The following TTLL7 variants were observed in gnomAD, a reference collection of about 807,000 sequenced individuals.
TTLL7 encodes tubulin polyglutamylase TTLL7.
In TTLL7, 53 loss-of-function variants were observed where a neutral mutation model predicts 120.2. The observed-to-expected ratio is 0.44, with a 90% CI of 0.35 to 0.55. The LOEUF (loss-of-function observed/expected upper bound fraction) is 0.55, where lower values mean the gene tolerates loss of function less well. Among genes scored for constraint, TTLL7 ranks in the 20% least tolerant of loss-of-function variants. The probability of loss-of-function intolerance (pLI) is 0.00; values close to 1 mark genes in which losing one functional copy is unlikely to be tolerated. For missense variants in TTLL7, 803 were observed against 1,054.7 expected, an observed-to-expected ratio of 0.76 and a Z score of 3.31; for synonymous variants, 353 against 351.7, an observed-to-expected ratio of 1.00 and a Z score of -0.04.
intron 18 of TTLL7, among the ~76,000 whole-genome samples, chr1:83,901,188 T>C (rs1656692060): frequency 6.6e-6 from 1 of 151,978 alleles, no homozygotes; most frequent in Non-Finnish European, 1.5e-5. Context: ...CTTCTGCCTT[T>C]TAAGATATCT....
At chr1:83,910,068 TC>T (rs1362293984) in intron 15 of TTLL7, among the ~76,000 whole-genome samples, 1 of 152,040 alleles carries the variant, frequency 6.6e-6, no homozygotes, top group Non-Finnish European at 1.5e-5. Context: ...ATACATTAAT[TC>T]CCCTCCAAAG....
intron 18 of TTLL7, among the ~76,000 whole-genome samples, chr1:83,899,814 T>C (rs1656564882): frequency 6.6e-6 from 1 of 151,888 alleles, no homozygotes; most frequent in Non-Finnish European, 1.5e-5. Flanking sequence ...CTCACATTAG[T>C]GCTTCCACTC....
intron 1 of TTLL7, among the ~76,000 whole-genome samples, chr1:83,998,402 G>T (rs1653678604): frequency 6.6e-6 from 1 of 152,130 alleles, no homozygotes; most frequent in African/African-American, 2.4e-5. Flanking sequence ...GGAACGCTGC[G>T]ATGTGATATA....
At chr1:83,968,680 T>C (rs1361316542) in intron 1 of TTLL7, among the ~76,000 whole-genome samples, 1 of 152,090 alleles carries the variant, frequency 6.6e-6, no homozygotes, top group Non-Finnish European at 1.5e-5. Flanking sequence ...GAGTTCCTTG[T>C]TATTATTCCT....
In TTLL7 at chr1:83,890,488, G is replaced by C. The variant is rs771950700; in HGVS notation, c.2209-7C>G. On this transcript the variant is annotated splice_polypyrimidine_tract_variant and splice_region_variant and intron_variant, in intron 18 of 20. Transcript: ENST00000260505. ...TTTTCACTATGTCCAAAACCTAGTG[G>C]AAAAACCAAAGTACTTACAATCTAG... is the stretch of plus-strand genomic sequence containing the variant. 1 of 1,604,306 alleles carries C rather than the reference G, an allele frequency of 6.2e-7. No homozygotes were observed. Among genetic ancestry groups the C allele is most frequent in the Non-Finnish European group, 8.5e-7 (1 of 1,176,074 alleles).
intron 1 of TTLL7, among the ~76,000 whole-genome samples, chr1:83,963,327 T>C (rs1650173221): frequency 6.6e-6 from 1 of 152,136 alleles, no homozygotes; most frequent in Non-Finnish European, 1.5e-5. Context: ...TTTTGTGAGC[T>C]GTGTTTGAAC....
intron 8 of TTLL7, among the ~76,000 whole-genome samples, chr1:83,936,680 A>G (rs1647424143): frequency 6.6e-6 from 1 of 152,250 alleles, no homozygotes; most frequent in Non-Finnish European, 1.5e-5. Context: ...AAATTGGTGG[A>G]TATCTGACCA....
At chr1:83,977,474 T>C (rs952359278) in intron 1 of TTLL7, among the ~76,000 whole-genome samples, 4 of 152,110 alleles carry the variant, frequency 2.6e-5, no homozygotes, top group African/African-American at 7.2e-5. Context: ...TTGTTTCAAA[T>C]TGTGGGCCTA....
intron 18 of TTLL7, among the ~76,000 whole-genome samples, chr1:83,898,595 C>T (rs546409110): frequency 2.6e-5 from 4 of 151,826 alleles, no homozygotes; most frequent in African/African-American, 9.7e-5. Context: ...TTTCAACGCA[C>T]TTTGACTCAT....
intron 20 of TTLL7, among the ~76,000 whole-genome samples, chr1:83,870,850 G>A (rs1012637416): frequency 6.6e-6 from 1 of 151,442 alleles, no homozygotes; most frequent in Non-Finnish European, 1.5e-5. Context: ...CAGAGGTTGC[G>A]GTGAGCTGAG....
intron 20 of TTLL7, among the ~76,000 whole-genome samples, chr1:83,875,415 G>GA (rs1277175924): frequency 2.0e-5 from 3 of 151,810 alleles, no homozygotes; most frequent in African/African-American, 7.2e-5. Context: ...ATGAATACTA[G>GA]AAAAAATGTG....
intron 19 of TTLL7, among the ~76,000 whole-genome samples, chr1:83,886,610 A>C (rs1654995657): frequency 6.6e-6 from 1 of 152,060 alleles, no homozygotes; most frequent in Non-Finnish European, 1.5e-5. Flanking sequence ...AGATTCTAAA[A>C]GAAAAGCTTT....
intron 3 of TTLL7, among the ~76,000 whole-genome samples, chr1:83,950,234 C>T (rs1161683220): frequency 6.6e-6 from 1 of 152,068 alleles, no homozygotes; most frequent in Non-Finnish European, 1.5e-5. Context: ...AACAGGTACA[C>T]AAAACTGCCA....
chr1:83,914,501 T>C (rs563776927), intron 14 of TTLL7, among the ~76,000 whole-genome samples: 16 of 152,072 alleles, frequency 1.1e-4, no homozygotes, highest in African/African-American at 3.9e-4. Flanking sequence ...CCAGCTAATT[T>C]TTGTATTTTT....
At chr1:83,940,871 T>G (rs576965434) in intron 7 of TTLL7, among the ~76,000 whole-genome samples, 1 of 152,188 alleles carries the variant, frequency 6.6e-6, no homozygotes. Context: ...CTTTCATTTG[T>G]GTAAAACCTT....
chr1:83,893,969 C>T (rs1656004434), intron 18 of TTLL7, among the ~76,000 whole-genome samples: 1 of 152,106 alleles, frequency 6.6e-6, no homozygotes, highest in Non-Finnish European at 1.5e-5. Context: ...TATCTTAAAA[C>T]TTCACAACAA....
chr1:83,991,634 A>C (rs1331202787), intron 1 of TTLL7, among the ~76,000 whole-genome samples: 1 of 152,084 alleles, frequency 6.6e-6, no homozygotes, highest in African/African-American at 2.4e-5. Flanking sequence ...ACAGAGGGAG[A>C]CCTTGTCTCA....
intron 12 of TTLL7, among the ~76,000 whole-genome samples, chr1:83,920,090 T>C (rs933837104): frequency 1.2e-4 from 19 of 152,200 alleles, no homozygotes; most frequent in Admixed American, 1.1e-3. Flanking sequence ...ATTAATAAAA[T>C]TCTTTCAAAA....
At chr1:83,958,207 T>G (rs7550412) in intron 1 of TTLL7, among the ~76,000 whole-genome samples, 1 of 152,132 alleles carries the variant, frequency 6.6e-6, no homozygotes, top group Non-Finnish European at 1.5e-5. Context: ...ATTATCCTCA[T>G]TGATAATCGT....
Sources: allele counts gnomAD v4.1 joint callset (sites outside exome capture counted in the v4.1 genomes callset), GRCh38; gene constraint gnomAD v4.1.1; transcripts MANE v1.5; gene names NCBI Gene and HGNC (gene_info 2026-07-23, HGNC 2026-07-21).